Variants in ARPC1A observed in about 807,000 individuals in gnomAD.
The protein encoded by ARPC1A is actin related protein 2/3 complex subunit 1A.
A neutral mutation model predicts 46.9 loss-of-function variants in ARPC1A; 8 were observed. The ratio of observed to expected loss-of-function variants is 0.17; its 90% confidence interval spans 0.10 to 0.31. The LOEUF is 0.31. Among genes scored for constraint, ARPC1A ranks in the 10% least tolerant of loss-of-function variants. The pLI is 1.00. For missense variants in ARPC1A, 286 were observed against 483.6 expected (o/e 0.59, Z 3.83); for synonymous variants, 152 against 169.0 (o/e 0.90, Z 0.78).
At chr7:99,360,258 G>A (rs981432911) in intron 8 of ARPC1A, 7 of 163,328 alleles carry the variant, frequency 4.3e-5, no homozygotes, top group East Asian at 1.7e-4. Flanking sequence ...GGAGTGTCTC[G>A]ACTGGGTTTT....
At chr7:99,331,949 T>C (rs1050672652) in intron 1 of ARPC1A, among the ~76,000 whole-genome samples, 1 of 152,156 alleles carries the variant, frequency 6.6e-6, no homozygotes, top group Admixed American at 6.6e-5. Flanking sequence ...TAATCAACTT[T>C]CACTTATCAA....
chr7:99,357,575 C>T (rs896608366), intron 6 of ARPC1A, among the ~76,000 whole-genome samples: 4 of 151,896 alleles, frequency 2.6e-5, no homozygotes, highest in African/African-American at 4.8e-5. Context: ...GCAATCCTTC[C>T]ACCTCAGCCC....
chr7:99,349,967 CA>C (rs1196276519), intron 5 of ARPC1A, among the ~76,000 whole-genome samples: 2 of 152,128 alleles, frequency 1.3e-5, no homozygotes, highest in African/African-American at 4.8e-5. Flanking sequence ...GCTGAAATCA[CA>C]CCACTGCACT....
chr7:99,328,355 G>A (rs577598773), intron 1 of ARPC1A, among the ~76,000 whole-genome samples: 2 of 152,248 alleles, frequency 1.3e-5, no homozygotes, highest in South Asian at 4.1e-4. Context: ...GGCAACAAGA[G>A]CAAAACTCCA....
At position 99,363,565 on chromosome 7, in the gene ARPC1A, G is replaced by C. The variant is rs1365023857; in HGVS notation, c.1006G>C (p.Asp336His). Reference sequence around the variant, plus strand: ...CAGTCAAGTCTCTATTTATGAGGTGGACAAGCAAGATTGTCGCAAATTTTG... The same window carrying C: ...CAGTCAAGTCTCTATTTATGAGGTGCACAAGCAAGATTGTCGCAAATTTTG... ...SITQVSIYEV[D>H]KQDCRKFCTT... is the part of the protein sequence containing the mutation. Residue 336 changes from aspartate to histidine, a missense_variant, in exon 9 of 10, where the codon GAC becomes CAC. Physicochemically the swap from Asp to His is moderately conservative, Grantham distance 81 (BLOSUM62 -1). Transcript: ENST00000262942. 1 of 1,612,992 alleles carries C rather than the reference G, an allele frequency of 6.2e-7. No individual in the cohort carries two copies. Among genetic ancestry groups the C allele is most frequent in the Non-Finnish European group, 8.5e-7 (1 of 1,179,810 alleles).
At chr7:99,343,501 C>G (rs1424644276) in intron 3 of ARPC1A, among the ~76,000 whole-genome samples, 1 of 151,326 alleles carries the variant, frequency 6.6e-6, no homozygotes, top group Non-Finnish European at 1.5e-5. Context: ...AAGAAAATAC[C>G]TCATCAATAA....
intron 6 of ARPC1A, 146 bp downstream of exon 6, chr7:99,354,267 A>C: frequency 1.1e-6 from 1 of 919,160 alleles, no homozygotes; most frequent in Non-Finnish European, 1.6e-6. Flanking sequence ...TCACGCCTGT[A>C]ATCCCAGCAC....
intron 1 of ARPC1A, among the ~76,000 whole-genome samples, chr7:99,326,220 G>T (rs1793044895): frequency 6.6e-6 from 1 of 152,184 alleles, no homozygotes. Context: ...CGAGCTCCTA[G>T]CCGCCTCCGA....
intron 3 of ARPC1A, among the ~76,000 whole-genome samples, chr7:99,341,609 CAAAAAAA>C (rs36066986): frequency 2.3e-5 from 2 of 87,332 alleles, no homozygotes; most frequent in East Asian, 6.4e-4. Flanking sequence ...AACTCTGTCT[CAAAAAAA>C]AAAAAAAAAA....
intron 6 of ARPC1A, among the ~76,000 whole-genome samples, chr7:99,355,230 C>T (rs1308901156): frequency 6.6e-6 from 1 of 151,726 alleles, no homozygotes; most frequent in Non-Finnish European, 1.5e-5. Flanking sequence ...TGCGGTGAGC[C>T]GAGATTGTGC....
intron 4 of ARPC1A, among the ~76,000 whole-genome samples, chr7:99,347,008 C>T (rs1793464601): frequency 6.6e-6 from 1 of 152,000 alleles, no homozygotes; most frequent in Admixed American, 6.6e-5. Flanking sequence ...TGAAACAATT[C>T]GAAATACTGT....
intron 9 of ARPC1A, 86 bp downstream of exon 9, chr7:99,363,719 A>G: frequency 2.0e-6 from 2 of 996,124 alleles, no homozygotes; most frequent in South Asian, 3.2e-5. Context: ...TCTGTCACCC[A>G]GGTTGGAGTA....
At chr7:99,334,689 A>C (rs1408962079) in intron 2 of ARPC1A, among the ~76,000 whole-genome samples, 1 of 151,546 alleles carries the variant, frequency 6.6e-6, no homozygotes, top group Non-Finnish European at 1.5e-5. Context: ...TTATTTATTT[A>C]TTTATTTATT....
intron 1 of ARPC1A, among the ~76,000 whole-genome samples, chr7:99,327,862 C>T (rs1793074178): frequency 6.6e-6 from 1 of 152,052 alleles, no homozygotes; most frequent in Admixed American, 6.6e-5. Flanking sequence ...GTGTGGTGAC[C>T]TTGTTGGAGT....
chr7:99,365,363 C>T (rs1793817911), intron 9 of ARPC1A, among the ~76,000 whole-genome samples: 1 of 152,104 alleles, frequency 6.6e-6, no homozygotes, highest in African/African-American at 2.4e-5. Context: ...AGGCTCGTTT[C>T]TCCTCACTGC....
chr7:99,365,825 G>A, intron 9 of ARPC1A, 66 bp from the exon 10 acceptor site: 15 of 1,473,582 alleles, frequency 1.0e-5, no homozygotes, highest in Non-Finnish European at 1.4e-5. Flanking sequence ...AAGAGGGAGT[G>A]GTGTCATACC....
intron 3 of ARPC1A, 92 bp downstream of exon 3, chr7:99,338,377 AAT>A: frequency 3.3e-6 from 2 of 612,562 alleles, no homozygotes; most frequent in Non-Finnish European, 4.7e-6. Context: ...AGGTGGCCAT[AAT>A]TTTTTTTTTT....
intron 1 of ARPC1A, among the ~76,000 whole-genome samples, chr7:99,330,682 GAACTTTCATTGTTCACTTTAC>G (rs1380413471): frequency 1.3e-5 from 2 of 152,142 alleles, no homozygotes; most frequent in Non-Finnish European, 2.9e-5. Context: ...TTTGTCAGCT[GAACTTTCATTGTTCACTTTAC>G]AACCTTCTAG....
chr7:99,359,711 T>C lies in ARPC1A; in HGVS notation c.956T>C (p.Leu319Ser), dbSNP rs1237336619. The C allele has an allele frequency of 6.2e-7, 1 of 1,614,016 alleles. No homozygotes were observed. Among genetic ancestry groups the C allele is most frequent in the Non-Finnish European group, 8.5e-7 (1 of 1,180,034 alleles). ...ACAACTGAGGACCGCAACACGGCCT[T>C]GGAGACGCTGCACCAGAATAGCATC... is the stretch of plus-strand genomic sequence containing the variant. The part of the protein sequence containing the change: ...RATTEDRNTA[L>S]ETLHQNSITQ... Residue 319 changes from leucine (L) to serine (S), a missense_variant, in exon 8 of 10, where the codon TTG (leucine) becomes TCG (serine). Physicochemically the swap from Leu to Ser is moderately radical, Grantham distance 145 (BLOSUM62 -2). Around this residue, in one of 5 missense-constraint regions of ARPC1A, gnomAD observed 182 missense variants for 276.7 expected, o/e 0.66. Coordinates refer to ENST00000262942, the MANE Select transcript of ARPC1A (RefSeq NM_006409.4).
Sources: gnomAD v4.1 joint callset for allele counts (sites outside exome capture counted in the v4.1 genomes callset) on GRCh38, gnomAD v4.1.1 for gene constraint, gnomAD v4.1.1 regional missense constraint, MANE v1.5 for transcripts, NCBI Gene and HGNC (gene_info 2026-07-23, HGNC 2026-07-21) for gene names.